WWOX: variants seen among roughly 807,000 people sequenced by gnomAD.
WWOX encodes WW domain-containing oxidoreductase.
In WWOX, 69 loss-of-function variants were observed where a neutral mutation model predicts 46.2. The ratio of observed to expected loss-of-function variants is 1.49; its 90% CI spans 1.23 to 1.82. The LOEUF is 1.82. Among genes scored for constraint, WWOX ranks in the 40% most tolerant of loss-of-function variants. The pLI is 0.00. For synonymous variants in WWOX, 359 were observed against 202.6 expected, an observed-to-expected ratio of 1.77 and a Z score of -6.56; for missense variants, 919 against 542.6, an observed-to-expected ratio of 1.69 and a Z score of -6.89.
rs58334968 is a variant in WWOX at position 79,211,034 on chromosome 16, AGTGT to A, written c.1057-554_1057-551del. Among the ~76,000 whole-genome samples the A allele has an allele frequency of 1.4e-3, 206 of 149,698 alleles. 1 individual carries two copies. Among genetic ancestry groups the A allele is most frequent in the East Asian group, 8.1e-3 (41 of 5,068 alleles). On this transcript the variant is annotated intron_variant, in intron 8 of 8. Coordinates refer to ENST00000566780, the MANE Select transcript of WWOX (RefSeq NM_016373.4). ...TGCTAAGTATGAATGTATGGTGAGG[AGTGT>A]GTGTGTGTGTGTGTGTGTGCATTAA...
At chr16:78,796,897 C>T (rs1186423652) in intron 8 of WWOX, among the ~76,000 whole-genome samples, 2 of 151,016 alleles carry the variant, frequency 1.3e-5, no homozygotes, top group Non-Finnish European at 2.9e-5. Flanking sequence ...GCGATCTCGG[C>T]TCACTGCAAA....
At chr16:78,211,087 T>A (rs1278807842) in intron 5 of WWOX, among the ~76,000 whole-genome samples, 1 of 152,204 alleles carries the variant, frequency 6.6e-6, no homozygotes, top group Non-Finnish European at 1.5e-5. Flanking sequence ...TTAAAGATAC[T>A]TCAGATATTC....
At chr16:78,118,466 A>G (rs564588186) in intron 4 of WWOX, among the ~76,000 whole-genome samples, 14 of 152,172 alleles carry the variant, frequency 9.2e-5, no homozygotes, top group Non-Finnish European at 1.5e-4. Context: ...ACAAACTGCC[A>G]TCTCTGGGCT....
rs181589568 is a variant in WWOX at position 78,760,923 on chromosome 16, C to A, written c.1056+328171C>A. Among the ~76,000 whole-genome samples, 498 of 152,270 alleles carry A rather than the reference C, an allele frequency of 3.3e-3. 3 individuals carry two copies. The highest frequency in any genetic ancestry group is 5.3e-3 in the Admixed American group (81 of 15,296). ...GCGCATCTCACGTGGTGGCAGAGAA[C>A]AGAAGAGAGCTTGTGCAGGGAAACT... On this transcript the variant is annotated intron_variant, in intron 8 of 8. Coordinates refer to ENST00000566780, the MANE Select transcript of WWOX (RefSeq NM_016373.4).
At chr16:78,931,467 T>A (rs1414620944) in intron 8 of WWOX, among the ~76,000 whole-genome samples, 1 of 152,174 alleles carries the variant, frequency 6.6e-6, no homozygotes, top group Non-Finnish European at 1.5e-5. Flanking sequence ...CTCTGCATAG[T>A]CAGCAGATTT....
chr16:78,399,002 G>T lies in WWOX; in HGVS notation c.605+12054G>T, dbSNP rs188817289. 4.4e-3 allele frequency among the ~76,000 whole-genome samples: 663 copies of T among 151,474 alleles called. 17 individuals carry two copies. The highest frequency in any genetic ancestry group is 0.039 in the Admixed American group (599 of 15,170). The stretch of plus-strand genomic sequence containing the variant: ...ATGGAAGAGGTAAGTACAAGGAAGG[G>T]GATGAGTGGCTGGCTGGCTAGATGG... On this transcript the variant is annotated intron_variant, in intron 6 of 8. Coordinates refer to ENST00000566780, the MANE Select transcript of WWOX (RefSeq NM_016373.4).
rs201516554 is a variant in WWOX at position 78,659,091 on chromosome 16, CAAAA to C, written c.1056+226345_1056+226348del. Among the ~76,000 whole-genome samples, 226 of 138,944 alleles carry C rather than the reference CAAAA, an allele frequency of 1.6e-3. 2 individuals carry two copies. Among genetic ancestry groups the C allele is most frequent in the Middle Eastern group, 0.014 (4 of 278 alleles). The allele number at this position is 138,944 out of a possible 152,430, so 91.2% of individuals were successfully genotyped here. A position where few individuals can be genotyped will look rare whatever the true frequency, so the allele number is the denominator to read the frequency against. On this transcript the variant is annotated intron_variant, in intron 8 of 8. Transcript: ENST00000566780. Reference sequence around the variant, plus strand: ...TGGGCAATAGAGTGAGAATCCGTCTCAAAAAAAAACAAACAAACAAACAAAAAAA... The same window carrying C: ...TGGGCAATAGAGTGAGAATCCGTCTCAAAAACAAACAAACAAACAAAAAAA...
chr16:78,382,573 C>T (rs778583339), intron 5 of WWOX, among the ~76,000 whole-genome samples: 13 of 152,194 alleles, frequency 8.5e-5, no homozygotes, highest in South Asian at 2.1e-4. Context: ...ATTCAGCCCA[C>T]GTCTTACTGA....
chr16:78,715,718 C>G (rs551111268), intron 8 of WWOX, among the ~76,000 whole-genome samples: 2 of 152,180 alleles, frequency 1.3e-5, no homozygotes, highest in Non-Finnish European at 2.9e-5. Flanking sequence ...TTCAGGTGGT[C>G]TATCCACCTT....
chr16:78,270,468 C>A (rs1250164995), intron 5 of WWOX: 1 of 152,262 alleles, frequency 6.6e-6, no homozygotes, highest in African/African-American at 2.4e-5. Flanking sequence ...GCTCCTCAGC[C>A]ATGACTGAAA....
intron 8 of WWOX, among the ~76,000 whole-genome samples, chr16:79,044,666 A>G (rs2048033491): frequency 6.6e-6 from 1 of 152,208 alleles, no homozygotes; most frequent in South Asian, 2.1e-4. Context: ...TAAATTACCC[A>G]GTCTCAGGTA....
chr16:78,376,302 T>C (rs1439373270), intron 5 of WWOX, among the ~76,000 whole-genome samples: 6 of 152,218 alleles, frequency 3.9e-5, no homozygotes, highest in African/African-American at 1.4e-4. Flanking sequence ...CGGTTTTTAA[T>C]GAATGATTGA....
Position 78,184,863 on chromosome 16 carries a change from T to A in WWOX, c.516+20574T>A, listed in dbSNP as rs568867898. Among the ~76,000 whole-genome samples, 20 of 152,358 alleles carry A rather than the reference T, an allele frequency of 1.3e-4. No individual in the cohort carries two copies. The South Asian group carries it at 3.7e-3, about 28-fold the overall frequency. On this transcript the variant is annotated intron_variant, in intron 5 of 8. Coordinates refer to ENST00000566780, the MANE Select transcript of WWOX (RefSeq NM_016373.4). ...TTATGTGTTGGGACAGTCTAAGTTA[T>A]GCTGTAATAACAACCAACCTCAAAA...
chr16:78,910,490 T>G (rs2045081138), intron 8 of WWOX, among the ~76,000 whole-genome samples: 1 of 136,700 alleles, frequency 7.3e-6, no homozygotes, highest in African/African-American at 2.7e-5. Context: ...GTTAGCAGAG[T>G]GTATCAGGAT....
At chr16:78,370,275 A>G (rs1230577940) in intron 5 of WWOX, among the ~76,000 whole-genome samples, 1 of 152,110 alleles carries the variant, frequency 6.6e-6, no homozygotes, top group African/African-American at 2.4e-5. Flanking sequence ...CCTTAGCAAG[A>G]TGGGATGATA....
chr16:79,175,011 G>A (rs563370948), intron 8 of WWOX, among the ~76,000 whole-genome samples: 2 of 152,072 alleles, frequency 1.3e-5, no homozygotes, highest in Non-Finnish European at 2.9e-5. Context: ...TCAGCATACC[G>A]TGTCTTATTA....
rs7191212 is a variant in WWOX, at chr16:79,186,769, A to G, written c.1057-24839A>G. Among the ~76,000 whole-genome samples the G allele has an allele frequency of 2.5e-3, 387 of 152,154 alleles. 3 individuals are homozygous for G. Among genetic ancestry groups the G allele is most frequent in the South Asian group, 0.015 (70 of 4,812 alleles). On this transcript the variant is annotated intron_variant, in intron 8 of 8. Transcript: ENST00000566780. Reference sequence around the variant, plus strand: ...ACATTAGTCTGGGAATTTTTCTCCAATCCTCACGCTAGCATTTCTAGTAAT... The same window carrying G: ...ACATTAGTCTGGGAATTTTTCTCCAGTCCTCACGCTAGCATTTCTAGTAAT...
At chr16:78,851,007 C>T (rs1191516365) in intron 8 of WWOX, among the ~76,000 whole-genome samples, 1 of 152,090 alleles carries the variant, frequency 6.6e-6, no homozygotes, top group Non-Finnish European at 1.5e-5. Flanking sequence ...TTTTGCAGCT[C>T]CTAGAGATAA....
At chr16:78,569,907 G>T (rs901944836) in intron 8 of WWOX, among the ~76,000 whole-genome samples, 44 of 152,054 alleles carry the variant, frequency 2.9e-4, no homozygotes, top group African/African-American at 1.0e-3. Flanking sequence ...AATACCCATC[G>T]GTACCTCTTG....
Sources: gnomAD v4.1 joint callset for allele counts (sites outside exome capture counted in the v4.1 genomes callset) on GRCh38, gnomAD v4.1.1 for gene constraint, MANE v1.5 for transcripts, NCBI Gene and HGNC (gene_info 2026-07-23, HGNC 2026-07-21) for gene names.